DENND1A: variants seen among roughly 807,000 people sequenced by gnomAD.
DENND1A encodes the protein DENN domain containing 1A, also known as DENN domain-containing protein 1A.
DENND1A carries 51 observed loss-of-function variants against 113.7 expected under a neutral mutation model. The ratio of observed to expected loss-of-function variants is 0.45; its 90% confidence interval spans 0.36 to 0.57. The LOEUF (loss-of-function observed/expected upper bound fraction) is 0.57, where lower values mean the gene tolerates loss of function less well. Ranked by LOEUF, DENND1A falls within the 20% of genes least tolerant of loss-of-function variation. The probability of loss-of-function intolerance (pLI) is 0.00; values close to 1 mark genes in which losing one functional copy is unlikely to be tolerated. For synonymous variants in DENND1A, 565 were observed against 570.8 expected (o/e 0.99, Z 0.14); for missense variants, 1,258 against 1,395.9 (o/e 0.90, Z 1.57).
chr9:123,579,656 T>C (rs1414585830), intron 12 of DENND1A, among the ~76,000 whole-genome samples: 1 of 152,166 alleles, frequency 6.6e-6, no homozygotes, highest in African/African-American at 2.4e-5. Flanking sequence ...GCAGAATCTG[T>C]CAGAGTAAAC....
chr9:123,703,389 C>T (rs1326516086), intron 5 of DENND1A, among the ~76,000 whole-genome samples: 2 of 152,116 alleles, frequency 1.3e-5, no homozygotes, highest in Non-Finnish European at 1.5e-5. Context: ...GTTTTTTGGT[C>T]TCCATGTGAT....
chr9:123,484,939 G>GT (rs1425375337), intron 13 of DENND1A, among the ~76,000 whole-genome samples: 1 of 152,200 alleles, frequency 6.6e-6, no homozygotes, highest in Non-Finnish European at 1.5e-5. Flanking sequence ...CCCCTCTTCT[G>GT]TAACATGGAG....
At chr9:123,574,040 T>C (rs910562200) in intron 12 of DENND1A, among the ~76,000 whole-genome samples, 2 of 151,992 alleles carry the variant, frequency 1.3e-5, no homozygotes, top group African/African-American at 4.8e-5. Flanking sequence ...ATAGATTACA[T>C]GGTTTTTCAA....
At chr9:123,535,211 G>T (rs544203523) in intron 13 of DENND1A, among the ~76,000 whole-genome samples, 90 of 152,224 alleles carry the variant, frequency 5.9e-4, no homozygotes, top group African/African-American at 1.7e-3. Context: ...AATAAGTGTC[G>T]TAAAACTTAA....
At chr9:123,818,398 C>G (rs979524267) in intron 2 of DENND1A, among the ~76,000 whole-genome samples, 3 of 152,084 alleles carry the variant, frequency 2.0e-5, no homozygotes, top group African/African-American at 4.8e-5. Context: ...GCCACCGCAC[C>G]TGGCCTATAG....
At chr9:123,704,868 G>A (rs1352562112) in intron 5 of DENND1A, among the ~76,000 whole-genome samples, 2 of 151,970 alleles carry the variant, frequency 1.3e-5, no homozygotes, top group East Asian at 1.9e-4. Context: ...ACCCAGATAC[G>A]TTATTCATAA....
At chr9:123,749,994 G>A (rs1257647155) in intron 5 of DENND1A, among the ~76,000 whole-genome samples, 1 of 152,198 alleles carries the variant, frequency 6.6e-6, no homozygotes, top group African/African-American at 2.4e-5. Flanking sequence ...GTTGCTTGAG[G>A]GAAGGCTGTG....
At chr9:123,901,264 T>G (rs1453080655) in intron 1 of DENND1A, among the ~76,000 whole-genome samples, 1 of 152,112 alleles carries the variant, frequency 6.6e-6, no homozygotes, top group East Asian at 1.9e-4. Context: ...GAGAAGATGG[T>G]GCCCTGGACC....
At chr9:123,771,626 C>T (rs984747911) in intron 3 of DENND1A, among the ~76,000 whole-genome samples, 3 of 152,116 alleles carry the variant, frequency 2.0e-5, no homozygotes, top group South Asian at 2.1e-4. Flanking sequence ...CCCTTGGCTA[C>T]GAGAAGGCAT....
rs140478365 is a variant in DENND1A, at chr9:123,539,940, T to C, written c.993+17630A>G. Among the ~76,000 whole-genome samples, 901 of 152,314 alleles carry C rather than the reference T, an allele frequency of 5.9e-3. 10 individuals carry two copies. Among genetic ancestry groups the C allele is most frequent in the African/African-American group, 0.02 (834 of 41,558 alleles). On this transcript the variant is annotated intron_variant, in intron 13 of 23. Coordinates refer to ENST00000394215, the MANE Select transcript of DENND1A (RefSeq NM_001352964.2). Reference sequence around the variant, plus strand: ...CCACTTGATTAAGGCAGTTTTATGTTTTATTTTATAATAAATAGATTTTTA... The same window carrying C: ...CCACTTGATTAAGGCAGTTTTATGTCTTATTTTATAATAAATAGATTTTTA...
At chr9:123,876,190 A>G (rs1847435651) in intron 2 of DENND1A, among the ~76,000 whole-genome samples, 1 of 152,196 alleles carries the variant, frequency 6.6e-6, no homozygotes, top group Admixed American at 6.5e-5. Flanking sequence ...CTACAAAACA[A>G]CAGACCCAAA....
At chr9:123,731,909 C>T in intron 5 of DENND1A, among the ~76,000 whole-genome samples, 1 of 152,040 alleles carries the variant, frequency 6.6e-6, no homozygotes, top group African/African-American at 2.4e-5. Context: ...TTTAAATGGG[C>T]AAAAGATTTG....
intron 1 of DENND1A, among the ~76,000 whole-genome samples, chr9:123,916,288 T>G (rs1321503339): frequency 6.6e-6 from 1 of 151,888 alleles, no homozygotes; most frequent in East Asian, 1.9e-4. Flanking sequence ...ATGAGAAAAG[T>G]TAAGGGGCGA....
intron 10 of DENND1A, among the ~76,000 whole-genome samples, chr9:123,618,761 G>A (rs935870944): frequency 6.6e-6 from 1 of 152,164 alleles, no homozygotes; most frequent in Admixed American, 6.5e-5. Context: ...CAGTAACGCT[G>A]GGAGTGACAC....
chr9:123,786,968 G>A (rs1334347899), intron 3 of DENND1A, among the ~76,000 whole-genome samples: 1 of 151,920 alleles, frequency 6.6e-6, no homozygotes, highest in East Asian at 1.9e-4. Flanking sequence ...AGAGAAATGG[G>A]ATACACCCAA....
chr9:123,448,824 G>T (rs1451625911), intron 18 of DENND1A, among the ~76,000 whole-genome samples: 1 of 152,166 alleles, frequency 6.6e-6, no homozygotes, highest in Non-Finnish European at 1.5e-5. Flanking sequence ...TAAAAGAAAG[G>T]AATCAATTCC....
intron 12 of DENND1A, among the ~76,000 whole-genome samples, chr9:123,574,153 C>T (rs75539889): frequency 0.073 from 9,403 of 129,386 alleles, 392 homozygotes; most frequent in Non-Finnish European, 0.098. Context: ...ATTTTTGCAT[C>T]TATATTGGTC....
chr9:123,518,135 G>C (rs989909531), intron 13 of DENND1A, among the ~76,000 whole-genome samples: 1 of 152,130 alleles, frequency 6.6e-6, no homozygotes, highest in African/African-American at 2.4e-5. Flanking sequence ...CACCTACACG[G>C]GGTAGATTTA....
intron 2 of DENND1A, among the ~76,000 whole-genome samples, chr9:123,862,212 T>C (rs763922095): frequency 6.6e-6 from 1 of 152,214 alleles, no homozygotes; most frequent in Non-Finnish European, 1.5e-5. Flanking sequence ...TTCTTTGGGA[T>C]GGGTTTCAAT....
Sources: allele counts gnomAD v4.1 joint callset (sites outside exome capture counted in the v4.1 genomes callset), GRCh38; gene constraint gnomAD v4.1.1; transcripts MANE v1.5; gene names NCBI Gene and HGNC (gene_info 2026-07-23, HGNC 2026-07-21).